Variants in ZNF292 observed in about 807,000 individuals in gnomAD.
The protein encoded by ZNF292 is zinc finger protein 292, also known as 16 zinc-finger domain protein.
ZNF292 carries 26 observed loss-of-function variants against 217.9 expected under a neutral mutation model. The observed-to-expected ratio is 0.12, with a 90% confidence interval of 0.09 to 0.17. The LOEUF is 0.17. Among genes scored for constraint, ZNF292 ranks in the 10% least tolerant of loss-of-function variants. The pLI is 1.00. For synonymous variants in ZNF292, 1,257 were observed against 1,124.1 expected, an observed-to-expected ratio of 1.12 and a Z score of -2.37; for missense variants, 2,904 against 3,175.2, an observed-to-expected ratio of 0.91 and a Z score of 2.05.
At chr6:87,238,258 G>A (rs1040506894) in intron 5 of ZNF292, among the ~76,000 whole-genome samples, 10 of 152,132 alleles carry the variant, frequency 6.6e-5, no homozygotes, top group African/African-American at 2.2e-4. Context: ...ACACCAAAGT[G>A]GGTGTATCAC....
intron 1 of ZNF292, chr6:87,174,063 G>T: frequency 4.5e-6 from 1 of 221,638 alleles, no homozygotes. Flanking sequence ...CATGTTATAT[G>T]CAATGGGGAC....
At chr6:87,243,018 G>A (rs1165921477) in intron 5 of ZNF292, among the ~76,000 whole-genome samples, 1 of 152,120 alleles carries the variant, frequency 6.6e-6, no homozygotes, top group East Asian at 1.9e-4. Flanking sequence ...TAGATACGTA[G>A]TTTATTAGTC....
chr6:87,261,127 G>C lies in ZNF292; in HGVS notation c.7498G>C (p.Val2500Leu). The change falls in exon 8 of 8, where the codon GTA (valine) becomes CTA (leucine). Residue 2500 changes from valine (V) to leucine (L), a missense_variant. By Grantham distance (32) the Val-to-Leu change is conservative (BLOSUM62 1). Transcript: ENST00000369577. The stretch of plus-strand genomic sequence containing the variant: ...ATTAATAAATGAAGATAGCACAAGT[G>C]TAGAGACCCAAGCTAATACTTCTTC... ...TKLINEDSTS[V>L]ETQANTSSNV... 6.2e-7 allele frequency: 1 copy of C among 1,612,846 alleles called. No individual in the cohort carries two copies. The highest frequency in any genetic ancestry group is 8.5e-7 in the Non-Finnish European group (1 of 1,179,486).
At chr6:87,245,714 A>G (rs1774540142) in intron 7 of ZNF292, 70 bp downstream of exon 7, 3 of 1,036,338 alleles carry the variant, frequency 2.9e-6, no homozygotes, top group Non-Finnish European at 3.9e-6. Flanking sequence ...TATAACTTTT[A>G]TGATTTTGGC....
chr6:87,186,590 G>A (rs1771663477), intron 1 of ZNF292, among the ~76,000 whole-genome samples: 1 of 152,140 alleles, frequency 6.6e-6, no homozygotes. Flanking sequence ...AATAAGTATG[G>A]GGAAATGGCC....
In ZNF292 at chr6:87,209,495, C is replaced by T. The variant is rs565776404; in HGVS notation, c.169-6408C>T. ...TATTTCACATTCATCAAAGGCTCCT[C>T]AGCGGGTTTAGAAGGTCAAAACTGT... On this transcript the variant is annotated intron_variant, in intron 1 of 7. Transcript: ENST00000369577. Among the ~76,000 whole-genome samples the T allele has an allele frequency of 1.6e-4, 24 of 152,278 alleles. No individual in the cohort carries two copies. The South Asian group carries it at 4.6e-3, about 29-fold the overall frequency.
At chr6:87,170,023 T>C (rs1236005742) in intron 1 of ZNF292, 1 of 152,490 alleles carries the variant, frequency 6.6e-6, no homozygotes, top group Non-Finnish European at 1.5e-5. Flanking sequence ...TGCTGATCTT[T>C]CCCTACTTTT....
rs1399702941 is a variant in ZNF292 at position 87,261,944 on chromosome 6, AC to A, written c.*144del. 12 of 617,868 alleles carry A rather than the reference AC, an allele frequency of 1.9e-5. No homozygotes were observed. The highest frequency in any genetic ancestry group is 4.2e-5 in the South Asian group (1 of 23,558). 38.3% of individuals were successfully genotyped at this position (617,868 alleles called of 1,614,324 possible). ...GCCAAAAACAAAAAAGAAAAAAAAA[AC>A]ATGACATTTGTCATGTAAAACTTTT... On this transcript the variant is annotated 3_prime_UTR_variant, in exon 8 of 8. Transcript: ENST00000369577.
chr6:87,225,047 T>C (rs1339095779), intron 4 of ZNF292, among the ~76,000 whole-genome samples: 2 of 152,370 alleles, frequency 1.3e-5, no homozygotes, highest in Middle Eastern at 3.4e-3. Context: ...TTTGGAATTT[T>C]AGCCATTCTA....
chr6:87,260,001 C>G lies in ZNF292; in HGVS notation c.6372C>G (p.Ala2124=). Residue 2124 remains alanine, a synonymous_variant, in exon 8 of 8, where the codon GCC becomes GCG. Coordinates refer to ENST00000369577, the MANE Select transcript of ZNF292 (RefSeq NM_015021.3). ...GTGTTCACCAGGGATGCTTTGCTGC[C>G]TTTACGATACAGCAAAACTTGATTC... ...YRCVHQGCFA[A]FTIQQNLILH... is the part of the protein sequence containing the mutation. 1 of 1,613,580 alleles carries G rather than the reference C, an allele frequency of 6.2e-7. No individual in the cohort carries two copies. Among genetic ancestry groups the G allele is most frequent in the Non-Finnish European group, 8.5e-7 (1 of 1,179,666 alleles).
chr6:87,239,497 C>T lies in ZNF292; in HGVS notation c.742-3978C>T, dbSNP rs563772797. Among the ~76,000 whole-genome samples the T allele has an allele frequency of 3.9e-3, 587 of 151,076 alleles. 3 individuals carry two copies. Among genetic ancestry groups the T allele is most frequent in the African/African-American group, 0.014 (561 of 40,794 alleles). On this transcript the variant is annotated intron_variant, in intron 5 of 7. Transcript: ENST00000369577. Reference sequence around the variant, plus strand: ...CTGGCCGGGCGGGGGCTGCCCCCCACCTCCCTCCCTGATGGGGCGGCTGGC... The same window carrying T: ...CTGGCCGGGCGGGGGCTGCCCCCCATCTCCCTCCCTGATGGGGCGGCTGGC...
intron 5 of ZNF292, among the ~76,000 whole-genome samples, chr6:87,240,000 C>T (rs908890506): frequency 6.6e-6 from 1 of 152,042 alleles, no homozygotes; most frequent in South Asian, 2.1e-4. Context: ...CCAAGGCAGG[C>T]GGCTGGGAGG....
rs1226123360 is a variant in ZNF292, at chr6:87,264,266, A to C, written c.*2465A>C. 1 of 152,192 alleles carries C rather than the reference A, an allele frequency of 6.6e-6. No individual in the cohort carries two copies. The allele number at this position is 152,192 out of a possible 1,614,324, so 9.4% of individuals were successfully genotyped here. On this transcript the variant is annotated 3_prime_UTR_variant, in exon 8 of 8. Coordinates refer to ENST00000369577, the MANE Select transcript of ZNF292 (RefSeq NM_015021.3). ...AATTTGCTAAAGTTTCATCACTAAA[A>C]AGTAGGAGTTTTTCCTCTTCTGAAC...
chr6:87,193,275 G>T (rs1242034910), intron 1 of ZNF292, among the ~76,000 whole-genome samples: 1 of 152,170 alleles, frequency 6.6e-6, no homozygotes, highest in Admixed American at 6.5e-5. Flanking sequence ...AGCTGGGTAT[G>T]GTGGTATTCC....
At chr6:87,228,068 C>T (rs769313017) in intron 4 of ZNF292, among the ~76,000 whole-genome samples, 3 of 152,206 alleles carry the variant, frequency 2.0e-5, no homozygotes, top group Non-Finnish European at 4.4e-5. Flanking sequence ...CAGTATTGTA[C>T]GAAGGTTCCA....
chr6:87,239,364 C>G (rs1286443205), intron 5 of ZNF292, among the ~76,000 whole-genome samples: 2 of 149,216 alleles, frequency 1.3e-5, no homozygotes, highest in Admixed American at 6.7e-5. Context: ...CCCCACCTCC[C>G]TCCCTGACGG....
At chr6:87,163,633 C>T (rs1770824762) in intron 1 of ZNF292, among the ~76,000 whole-genome samples, 1 of 151,976 alleles carries the variant, frequency 6.6e-6, no homozygotes, top group African/African-American at 2.4e-5. Flanking sequence ...TGTTAAGTGA[C>T]AGTATTAGAT....
At chr6:87,194,380 T>G (rs1196170839) in intron 1 of ZNF292, among the ~76,000 whole-genome samples, 2 of 152,002 alleles carry the variant, frequency 1.3e-5, no homozygotes, top group African/African-American at 4.8e-5. Context: ...AAGTTCAAAT[T>G]AATGAAGCAG....
chr6:87,246,327 T>C (rs1030111912), intron 7 of ZNF292, among the ~76,000 whole-genome samples: 12 of 152,354 alleles, frequency 7.9e-5, no homozygotes, highest in Admixed American at 7.2e-4. Context: ...AAGATTACAT[T>C]ATCTGAAATT....
Sources: gnomAD v4.1 joint callset for allele counts (sites outside exome capture counted in the v4.1 genomes callset) on GRCh38, gnomAD v4.1.1 for gene constraint, MANE v1.5 for transcripts, NCBI Gene and HGNC (gene_info 2026-07-23, HGNC 2026-07-21) for gene names.